Variants in OAS3 observed in about 807,000 individuals in gnomAD.
OAS3 encodes the protein 2'-5'-oligoadenylate synthase 3.
OAS3 carries 107 observed loss-of-function variants against 113.0 expected under a neutral mutation model. The ratio of observed to expected loss-of-function variants is 0.95; its 90% CI spans 0.81 to 1.11. The LOEUF is 1.11. OAS3 is among the 50% of genes most tolerant of loss of function. The probability of loss-of-function intolerance (pLI) is 0.00; values close to 1 mark genes in which losing one functional copy is unlikely to be tolerated. For synonymous variants in OAS3, 552 were observed against 573.6 expected (o/e 0.96, Z 0.54); for missense variants, 1,258 against 1,389.1 (o/e 0.91, Z 1.50).
At position 112,950,878 on chromosome 12, in the gene OAS3, T is replaced by C; in HGVS notation, c.1560T>C (p.Pro520=). 1.9e-6 allele frequency: 3 copies of C among 1,614,042 alleles called. No homozygotes were observed. The highest frequency in any genetic ancestry group is 2.5e-6 in the Non-Finnish European group (3 of 1,179,894). ...TGCCCAGCCTGAGCCTTCAGTTTCC[T>C]GAGCAGAATGTGCCTGAGGCTCTGC... ...DQVPSLSLQF[P]EQNVPEALQF... Residue 520 remains proline (P), a synonymous_variant, in exon 7 of 16, where the codon CCT becomes CCC. Coordinates refer to ENST00000228928, the MANE Select transcript of OAS3 (RefSeq NM_006187.4).
chr12:112,949,041 A>G lies in OAS3; in HGVS notation c.1210A>G (p.Met404Val), dbSNP rs1475637415. Residue 404 changes from methionine to valine, a missense_variant, in exon 6 of 16, where the codon ATG becomes GTG. Coordinates refer to ENST00000228928, the MANE Select transcript of OAS3 (RefSeq NM_006187.4). The stretch of plus-strand genomic sequence containing the variant: ...CAGCATCGTCCCCTCTGTGCCGGGA[A>G]TGGCCTTGGACCTGTCTCAGATCCC... ...AASIVPSVPG[M>V]ALDLSQIPTK... The G allele has an allele frequency of 2.5e-6, 4 of 1,614,026 alleles. No individual in the cohort carries two copies. The highest frequency in any genetic ancestry group is 3.4e-6 in the Non-Finnish European group (4 of 1,179,886).
chr12:112,941,959 A>G, intron 2 of OAS3, 107 bp downstream of exon 2: 1 of 1,375,718 alleles, frequency 7.3e-7, no homozygotes, highest in African/African-American at 1.4e-5. Context: ...GACCTGGGCC[A>G]GCCTCTACCC....
Position 112,961,214 on chromosome 12 carries a change from C to T in OAS3, c.1801C>T (p.Leu601=), listed in dbSNP as rs372229841. The T allele has an allele frequency of 5.3e-5, 86 of 1,614,022 alleles. No homozygotes were observed. The African/African-American group carries it at 1.1e-3, about 21-fold the overall frequency. ...MNIRPVKLKN[L]ILLVKHWYRQ... ...CATTCGCCCTGTCAAGCTGAAGAACCTGATTCTGCTGGTGAAGCACTGGTA... is the reference window on the plus strand; with the variant it reads ...CATTCGCCCTGTCAAGCTGAAGAACTTGATTCTGCTGGTGAAGCACTGGTA... Residue 601 remains leucine, a synonymous_variant, in exon 8 of 16, where the codon CTG becomes TTG. Coordinates refer to ENST00000228928, the MANE Select transcript of OAS3 (RefSeq NM_006187.4).
chr12:112,968,265 A>G, intron 14 of OAS3, 91 bp downstream of exon 14: 1 of 1,443,298 alleles, frequency 6.9e-7, no homozygotes, highest in Non-Finnish European at 9.2e-7. Flanking sequence ...ATGGGAAAAC[A>G]CTCTTCCTAG....
intron 6 of OAS3, 101 bp from the exon 7 acceptor site, chr12:112,950,592 G>A: frequency 1.5e-6 from 2 of 1,354,622 alleles, no homozygotes; most frequent in South Asian, 2.7e-5. Context: ...ATCAGCAAGA[G>A]GGCAGGTTCC....
chr12:112,962,741 G>A lies in OAS3; in HGVS notation c.1923G>A (p.Glu641=). The change falls in exon 9 of 16, where the codon GAG becomes GAA. Residue 641 remains glutamate, a synonymous_variant. Transcript: ENST00000228928. The part of the protein sequence containing the change: ...ALELLTIFAW[E]QGCRQDCFNM... ...AGCTCCTCACCATCTTTGCCTGGGA[G>A]CAGGGCTGCAGGCAGGATTGTTTCA... 6.2e-7 allele frequency: 1 copy of A among 1,614,030 alleles called. No homozygotes were observed. Among genetic ancestry groups the A allele is most frequent in the South Asian group, 1.1e-5 (1 of 91,088 alleles).
chr12:112,950,434 T>G (rs2136349751), intron 6 of OAS3: 1 of 517,336 alleles, frequency 1.9e-6, no homozygotes, highest in African/African-American at 1.9e-5. Flanking sequence ...CCCACCTCCA[T>G]TATCTGTTGC....
Position 112,970,003 on chromosome 12 carries a change from G to A in OAS3, c.*30G>A, listed in dbSNP as rs2043970089. On this transcript the variant is annotated 3_prime_UTR_variant, in exon 16 of 16. Transcript: ENST00000228928. The stretch of plus-strand genomic sequence containing the variant: ...GAGAAAATCAGCGGTCCTACTGGAT[G>A]AAGAGAAGATGGACACCAGCCCTCA... 1.9e-6 allele frequency: 3 copies of A among 1,604,072 alleles called. No homozygotes were observed. Among genetic ancestry groups the A allele is most frequent in the Non-Finnish European group, 2.6e-6 (3 of 1,175,090 alleles).
At chr12:112,957,497 T>C (rs1356891144) in intron 7 of OAS3, among the ~76,000 whole-genome samples, 1 of 152,228 alleles carries the variant, frequency 6.6e-6, no homozygotes, top group African/African-American at 2.4e-5. Flanking sequence ...CCATGTTTAG[T>C]GCTTCCTTCA....
rs1200396276 is a variant in OAS3 at position 112,941,621 on chromosome 12, C to A, written c.229C>A (p.Leu77Ile). ...TALKGGCDSE[L>I]VIFLDCFKSY... Reference sequence around the variant, plus strand: ...TCTCAAGGGTGGCTGTGATTCTGAACTTGTCATCTTCCTCGACTGCTTCAA... The same window carrying A: ...TCTCAAGGGTGGCTGTGATTCTGAAATTGTCATCTTCCTCGACTGCTTCAA... Residue 77 changes from leucine (L) to isoleucine (I), a missense_variant, in exon 2 of 16, where the codon CTT (leucine) becomes ATT (isoleucine). Leu to Ile is a conservative substitution (Grantham distance 5, BLOSUM62 2). Coordinates refer to ENST00000228928, the MANE Select transcript of OAS3 (RefSeq NM_006187.4). 6.2e-7 allele frequency: 1 copy of A among 1,614,066 alleles called. No individual in the cohort carries two copies. The highest frequency in any genetic ancestry group is 1.1e-5 in the South Asian group (1 of 91,088).
At chr12:112,952,603 G>A (rs1427707212) in intron 7 of OAS3, among the ~76,000 whole-genome samples, 1 of 151,974 alleles carries the variant, frequency 6.6e-6, no homozygotes. Context: ...TTTCACCATT[G>A]CTACTTGATT....
chr12:112,959,290 T>A (rs1219299394), intron 7 of OAS3, among the ~76,000 whole-genome samples: 1 of 152,122 alleles, frequency 6.6e-6, no homozygotes, highest in Non-Finnish European at 1.5e-5. Context: ...CCCTTGCACT[T>A]CCCAGGTGAG....
intron 11 of OAS3, 110 bp downstream of exon 11, chr12:112,964,518 C>G: frequency 8.6e-7 from 1 of 1,163,664 alleles, no homozygotes; most frequent in Non-Finnish European, 1.2e-6. Context: ...AGCAAAAAGC[C>G]AGGCATAGAG....
At position 112,965,940 on chromosome 12, in the gene OAS3, A is replaced by G; in HGVS notation, c.2600A>G (p.Asn867Ser). 1.9e-6 allele frequency: 3 copies of G among 1,613,914 alleles called. No homozygotes were observed. The highest frequency in any genetic ancestry group is 2.5e-6 in the Non-Finnish European group (3 of 1,179,868). Residue 867 changes from asparagine (N) to serine (S), a missense_variant, in exon 12 of 16, where the codon AAT (asparagine) becomes AGT (serine). Transcript: ENST00000228928. ...AAGTTTGAAGTCTCCAAATGGGAGA[A>G]TCCCCGCGTGCTGAGCTTCTCACTG... The part of the protein sequence containing the change: ...EVKFEVSKWE[N>S]PRVLSFSLTS...
intron 2 of OAS3, among the ~76,000 whole-genome samples, chr12:112,943,954 A>G (rs2043703957): frequency 6.6e-6 from 1 of 152,166 alleles, no homozygotes; most frequent in African/African-American, 2.4e-5. Flanking sequence ...TGGCCTCCCA[A>G]AGTGCTGGGA....
chr12:112,969,121 C>T (rs1381095389), intron 14 of OAS3, among the ~76,000 whole-genome samples: 1 of 152,096 alleles, frequency 6.6e-6, no homozygotes, highest in Non-Finnish European at 1.5e-5. Context: ...GAATTTGAAG[C>T]TTTTTGACCA....
intron 2 of OAS3, among the ~76,000 whole-genome samples, chr12:112,942,707 TA>T (rs936023285): frequency 7.3e-4 from 105 of 143,580 alleles, no homozygotes; most frequent in East Asian, 1.0e-3. Context: ...AGACTCTTCT[TA>T]AAAAAAAAAA....
At chr12:112,939,321 T>C (rs1245357486) in intron 1 of OAS3, among the ~76,000 whole-genome samples, 14 of 134,634 alleles carry the variant, frequency 1.0e-4, no homozygotes, top group African/African-American at 3.9e-4. Context: ...TTTTTTTTTT[T>C]TTTTTTTTTT....
chr12:112,949,270 A>T (rs190412312), intron 6 of OAS3, 65 bp downstream of exon 6: 2 of 1,427,310 alleles, frequency 1.4e-6, no homozygotes, highest in Non-Finnish European at 1.9e-6. Context: ...GAAGGGAAGG[A>T]GTTACAGCAA....
Sources: gnomAD v4.1 joint callset for allele counts (sites outside exome capture counted in the v4.1 genomes callset) on GRCh38, gnomAD v4.1.1 for gene constraint, MANE v1.5 for transcripts, NCBI Gene and HGNC (gene_info 2026-07-23, HGNC 2026-07-21) for gene names.